Variants in WNT3 observed in about 807,000 individuals in gnomAD.
WNT3 encodes the protein proto-oncogene Wnt-3.
In WNT3, 7 loss-of-function variants were observed where a neutral mutation model predicts 34.2. That is an observed-to-expected ratio of 0.20 (90% CI 0.12 to 0.38). The LOEUF is 0.38. Among genes scored for constraint, WNT3 ranks in the 10% least tolerant of loss-of-function variants. WNT3 has a pLI of 1.00. For missense variants in WNT3, 267 were observed against 499.8 expected (o/e 0.53, Z 4.44); for synonymous variants, 212 against 211.5 (o/e 1.00, Z -0.02).
chr17:46,797,990 G>A (rs747596811), intron 1 of WNT3, among the ~76,000 whole-genome samples: 2 of 152,112 alleles, frequency 1.3e-5, no homozygotes, highest in East Asian at 1.9e-4. Flanking sequence ...GTGCAGTGGC[G>A]TGATCCCGGC....
At chr17:46,789,939 G>A (rs1051081136) in intron 1 of WNT3, among the ~76,000 whole-genome samples, 1 of 152,172 alleles carries the variant, frequency 6.6e-6, no homozygotes, top group Non-Finnish European at 1.5e-5. Context: ...TCCCAGGAGG[G>A]CTTCTTTGCG....
chr17:46,791,904 G>C (rs530874625), intron 1 of WNT3, among the ~76,000 whole-genome samples: 1 of 152,242 alleles, frequency 6.6e-6, no homozygotes, highest in Admixed American at 6.5e-5. Context: ...GCTGGGTGTG[G>C]TGGTGCACAC....
At chr17:46,780,057 A>G (rs1044039815) in intron 1 of WNT3, among the ~76,000 whole-genome samples, 13 of 152,208 alleles carry the variant, frequency 8.5e-5, no homozygotes, top group African/African-American at 2.9e-4. Flanking sequence ...ATGCCTGGCC[A>G]TAGAGAACAT....
At chr17:46,808,917 C>T (rs933009365) in intron 1 of WNT3, among the ~76,000 whole-genome samples, 4 of 152,268 alleles carry the variant, frequency 2.6e-5, no homozygotes, top group African/African-American at 9.6e-5. Context: ...GAGAGACCCT[C>T]TAAGGACCCT....
At chr17:46,815,192 G>T (rs898466956) in intron 1 of WNT3, among the ~76,000 whole-genome samples, 4 of 151,614 alleles carry the variant, frequency 2.6e-5, no homozygotes, top group Non-Finnish European at 5.9e-5. Context: ...CCAAGAAGAA[G>T]AAGAAAGACA....
Position 46,763,851 on chromosome 17 carries a change from AAAAC to A in WNT3, c.*775_*778del, listed in dbSNP as rs886082101. 9 of 150,064 alleles carry A rather than the reference AAAAC, an allele frequency of 6.0e-5. No individual in the cohort carries two copies. The highest frequency in any genetic ancestry group is 2.0e-4 in the African/African-American group (8 of 40,122). 9.3% of individuals were successfully genotyped at this position (150,064 alleles called of 1,614,324 possible). On this transcript the variant is annotated 3_prime_UTR_variant, in exon 5 of 5. Transcript: ENST00000225512. ...ACCACCAAAAAAAAAAAAAAACAAA[AAAAC>A]AAAAAAAAAACTGCATTGACGGTGG...
At chr17:46,809,780 A>G (rs1228663757) in intron 1 of WNT3, among the ~76,000 whole-genome samples, 2 of 152,010 alleles carry the variant, frequency 1.3e-5, no homozygotes, top group Admixed American at 6.5e-5. Flanking sequence ...CCCCGTGACC[A>G]GTTGGCTTCA....
At chr17:46,808,681 C>A (rs967457733) in intron 1 of WNT3, among the ~76,000 whole-genome samples, 2 of 152,188 alleles carry the variant, frequency 1.3e-5, no homozygotes, top group Non-Finnish European at 2.9e-5. Flanking sequence ...GATAGAGAAA[C>A]AACTTCTGCC....
rs780028567 is a variant in WNT3, at chr17:46,770,011, C to T, written c.360G>A (p.Ser120=). 5 of 1,587,980 alleles carry T rather than the reference C, an allele frequency of 3.1e-6. No homozygotes were observed. Among genetic ancestry groups the T allele is most frequent in the Non-Finnish European group, 3.4e-6 (4 of 1,167,614 alleles). The part of the protein sequence containing the change: ...RESAFVHAIA[S]AGVAFAVTRS... ...GGGTGACGGCGAAGGCCACGCCGGC[C>T]GAGGCGATGGCGTGAACGAAGGCCG... is the stretch of plus-strand genomic sequence containing the variant. Residue 120 remains serine (S), a synonymous_variant, in exon 3 of 5, where the codon TCG becomes TCA. Transcript: ENST00000225512.
At chr17:46,772,362 C>G (rs1164166025) in intron 2 of WNT3, among the ~76,000 whole-genome samples, 2 of 152,246 alleles carry the variant, frequency 1.3e-5, no homozygotes, top group Non-Finnish European at 2.9e-5. Context: ...ATGGGTAGCG[C>G]TCCCAGAGCC....
intron 1 of WNT3, among the ~76,000 whole-genome samples, chr17:46,807,220 C>T (rs192945808): frequency 9.2e-5 from 14 of 152,362 alleles, no homozygotes; most frequent in Non-Finnish European, 1.6e-4. Flanking sequence ...TGGTGGCTTA[C>T]GCCTGTCATC....
At chr17:46,780,507 G>A (rs1008081458) in intron 1 of WNT3, among the ~76,000 whole-genome samples, 3 of 152,078 alleles carry the variant, frequency 2.0e-5, no homozygotes, top group Non-Finnish European at 2.9e-5. Context: ...TGGGGACTCT[G>A]CCCAGGTGCG....
intron 1 of WNT3, among the ~76,000 whole-genome samples, chr17:46,792,566 C>T (rs1314518494): frequency 6.6e-6 from 1 of 152,130 alleles, no homozygotes; most frequent in Non-Finnish European, 1.5e-5. Context: ...CTCTGCCTCC[C>T]AGGTTCAAGC....
intron 4 of WNT3, among the ~76,000 whole-genome samples, chr17:46,765,486 T>G (rs1184888995): frequency 6.6e-6 from 1 of 152,262 alleles, no homozygotes; most frequent in Non-Finnish European, 1.5e-5. Flanking sequence ...ACAAGCCATT[T>G]GACAGGCGCT....
rs2084214570 is a variant in WNT3 at position 46,807,615 on chromosome 17, T to G, written c.80+10903A>C. Among the ~76,000 whole-genome samples, 4 of 152,252 alleles carry G rather than the reference T, an allele frequency of 2.6e-5. No homozygotes were observed. The South Asian group carries it at 8.3e-4, about 31-fold the overall frequency. On this transcript the variant is annotated intron_variant, in intron 1 of 4. Transcript: ENST00000225512. ...GCTTTTTAATTCGCATGTGCCTTGC[T>G]TCTTTCCAGAAAGGATTTGAAGAGG... is the stretch of plus-strand genomic sequence containing the variant.
intron 4 of WNT3, among the ~76,000 whole-genome samples, chr17:46,765,632 C>T (rs570713403): frequency 2.0e-5 from 3 of 152,386 alleles, no homozygotes; most frequent in South Asian, 2.1e-4. Flanking sequence ...CAGTGCATCC[C>T]GCAGGCTCCC....
At chr17:46,785,860 G>A (rs2059500358) in intron 1 of WNT3, among the ~76,000 whole-genome samples, 1 of 152,026 alleles carries the variant, frequency 6.6e-6, no homozygotes, top group Non-Finnish European at 1.5e-5. Context: ...GAGGGAAGGG[G>A]TGTGGAGGGC....
At chr17:46,778,902 G>A (rs554770301) in intron 1 of WNT3, among the ~76,000 whole-genome samples, 12 of 152,116 alleles carry the variant, frequency 7.9e-5, no homozygotes, top group African/African-American at 2.9e-4. Flanking sequence ...CCTCTCCTCC[G>A]CCTGAATCTT....
At chr17:46,793,824 GCC>G (rs1226044192) in intron 1 of WNT3, among the ~76,000 whole-genome samples, 5 of 152,176 alleles carry the variant, frequency 3.3e-5, no homozygotes, top group Admixed American at 3.3e-4. Flanking sequence ...GAGTAGAGAT[GCC>G]GGCTCCAGTT....
Sources: gnomAD v4.1 joint callset for allele counts (sites outside exome capture counted in the v4.1 genomes callset) on GRCh38, gnomAD v4.1.1 for gene constraint, MANE v1.5 for transcripts, NCBI Gene and HGNC (gene_info 2026-07-23, HGNC 2026-07-21) for gene names.